The following DLG2 variants were observed in gnomAD, a reference collection of about 807,000 sequenced individuals.
DLG2 encodes disks large homolog 2.
A neutral mutation model predicts 132.5 loss-of-function variants in DLG2; 45 were observed. The ratio of observed to expected loss-of-function variants is 0.34; its 90% CI spans 0.27 to 0.44. The LOEUF (loss-of-function observed/expected upper bound fraction) is 0.44. Among genes scored for constraint, DLG2 ranks in the 20% least tolerant of loss-of-function variants. The pLI is 1.00. For synonymous variants in DLG2, 424 were observed against 419.6 expected (o/e 1.01, Z -0.13); for missense variants, 1,045 against 1,196.9 (o/e 0.87, Z 1.87).
At chr11:84,196,818 A>T (rs1465744971) in intron 8 of DLG2, among the ~76,000 whole-genome samples, 19 of 152,074 alleles carry the variant, frequency 1.2e-4, no homozygotes, top group Admixed American at 1.2e-3. Context: ...AGACGGGTGG[A>T]TCATTTGAAG....
intron 10 of DLG2, among the ~76,000 whole-genome samples, chr11:84,060,207 G>C (rs530778533): frequency 3.9e-5 from 6 of 152,076 alleles, no homozygotes; most frequent in Non-Finnish European, 7.4e-5. Flanking sequence ...AGCTACTTGG[G>C]AGGCTGAGAA....
chr11:84,406,687 T>C lies in DLG2; in HGVS notation c.519+127883A>G, dbSNP rs577547364. 2.6e-5 allele frequency among the ~76,000 whole-genome samples: 4 copies of C among 152,336 alleles called. No individual in the cohort carries two copies. In the South Asian group the frequency reaches 8.3e-4, roughly 32 times the overall value. On this transcript the variant is annotated intron_variant, in intron 7 of 27. Coordinates refer to ENST00000376104, the MANE Select transcript of DLG2 (RefSeq NM_001142699.3). ...AAAGAATTCCTCTTGGCCTGCCTTT[T>C]TCAATTCTGGAGGGAGCAGAATTCT...
At position 84,379,780 on chromosome 11, in the gene DLG2, T is replaced by TAA. The variant is rs557695623; in HGVS notation, c.520-128491_520-128490dup. Among the ~76,000 whole-genome samples the TAA allele has an allele frequency of 9.5e-3, 1,363 of 143,454 alleles. 19 individuals carry two copies. The highest frequency in any genetic ancestry group is 0.027 in the African/African-American group (1,089 of 39,706). 94.1% of individuals were successfully genotyped at this position (143,454 alleles called of 152,430 possible). ...TGGAAAATAGGAAAAGAGGTATTAC[T>TAA]AAAAAAAAAAACAAGTTTGCTAAGA... is the stretch of plus-strand genomic sequence containing the variant. On this transcript the variant is annotated intron_variant, in intron 7 of 27. Coordinates refer to ENST00000376104, the MANE Select transcript of DLG2 (RefSeq NM_001142699.3).
intron 3 of DLG2, among the ~76,000 whole-genome samples, chr11:85,386,915 A>C: frequency 6.9e-6 from 1 of 145,372 alleles, no homozygotes; most frequent in Admixed American, 6.9e-5. Flanking sequence ...TTTTTTTTAG[A>C]TGGAGTTTTG....
In DLG2 at chr11:84,359,847, A is replaced by G. The variant is rs55696166; in HGVS notation, c.520-108556T>C. 9.6e-3 allele frequency among the ~76,000 whole-genome samples: 1,463 copies of G among 152,054 alleles called. 27 individuals carry two copies. Among genetic ancestry groups the G allele is most frequent in the African/African-American group, 0.033 (1,366 of 41,532 alleles). On this transcript the variant is annotated intron_variant, in intron 7 of 27. Coordinates refer to ENST00000376104, the MANE Select transcript of DLG2 (RefSeq NM_001142699.3). ...GATTATCCTATTATGCTTTCTCCAC[A>G]GTAATACACTTGGTTCTAAATCTTG...
At position 84,305,479 on chromosome 11, in the gene DLG2, G is replaced by A. The variant is rs189092516; in HGVS notation, c.520-54188C>T. 4.2e-3 allele frequency among the ~76,000 whole-genome samples: 645 copies of A among 152,166 alleles called. 2 individuals carry two copies. Among genetic ancestry groups the A allele is most frequent in the Non-Finnish European group, 4.7e-3 (318 of 67,962 alleles). Reference sequence around the variant, plus strand: ...AGCTGAAATACAGATAATTTAACAAGGAAAATTGCAGATGGTAGGAGTAAG... The same window carrying A: ...AGCTGAAATACAGATAATTTAACAAAGAAAATTGCAGATGGTAGGAGTAAG... On this transcript the variant is annotated intron_variant, in intron 7 of 27. Transcript: ENST00000376104.
intron 6 of DLG2, among the ~76,000 whole-genome samples, chr11:85,015,190 T>C (rs1312361709): frequency 6.6e-6 from 1 of 152,166 alleles, no homozygotes; most frequent in Non-Finnish European, 1.5e-5. Flanking sequence ...TCTCCCTTTG[T>C]AACATGTTTT....
chr11:83,813,955 A>G (rs2048102602), intron 17 of DLG2, among the ~76,000 whole-genome samples: 1 of 152,168 alleles, frequency 6.6e-6, no homozygotes. Flanking sequence ...AAATTGCCGA[A>G]ATTCACAATT....
intron 7 of DLG2, among the ~76,000 whole-genome samples, chr11:84,433,992 C>A (rs1567623207): frequency 6.6e-6 from 1 of 151,822 alleles, no homozygotes; most frequent in African/African-American, 2.4e-5. Context: ...TTGACACACA[C>A]ATGTGTTCCC....
chr11:85,572,343 C>T (rs2077892466), intron 3 of DLG2, among the ~76,000 whole-genome samples: 1 of 152,100 alleles, frequency 6.6e-6, no homozygotes, highest in Non-Finnish European at 1.5e-5. Context: ...CAATAGTTTA[C>T]ATAAGGAGCC....
chr11:84,790,134 T>C (rs1205846388), intron 6 of DLG2, among the ~76,000 whole-genome samples: 1 of 152,216 alleles, frequency 6.6e-6, no homozygotes, highest in African/African-American at 2.4e-5. Flanking sequence ...ATGGTAGCTC[T>C]ATATTTAGTT....
chr11:83,692,536 G>A (rs1029772045), intron 18 of DLG2, among the ~76,000 whole-genome samples: 7 of 152,078 alleles, frequency 4.6e-5, no homozygotes, highest in Admixed American at 1.3e-4. Flanking sequence ...TTCTTTTGGA[G>A]ATGATGAAAA....
chr11:84,231,578 T>TCAGGAAA (rs1327285983), intron 8 of DLG2, among the ~76,000 whole-genome samples: 1 of 152,172 alleles, frequency 6.6e-6, no homozygotes, highest in Non-Finnish European at 1.5e-5. Context: ...TACAGTGTAT[T>TCAGGAAA]CAGGAAACTG....
At chr11:84,029,440 A>G (rs930901286) in intron 11 of DLG2, among the ~76,000 whole-genome samples, 1 of 152,204 alleles carries the variant, frequency 6.6e-6, no homozygotes, top group Non-Finnish European at 1.5e-5. Context: ...AAAAATCTCA[A>G]AAGCGAGCGA....
intron 5 of DLG2, among the ~76,000 whole-genome samples, chr11:85,135,933 T>G (rs1566919544): frequency 6.6e-6 from 1 of 152,108 alleles, no homozygotes; most frequent in African/African-American, 2.4e-5. Flanking sequence ...TAACCCAGAA[T>G]GGAGCAGTGA....
chr11:83,631,382 C>T (rs2063534788), intron 19 of DLG2: 1 of 151,742 alleles, frequency 6.6e-6, no homozygotes, highest in Non-Finnish European at 1.5e-5. Context: ...AAACTAAATA[C>T]CATATTTGTA....
At chr11:84,339,698 G>C (rs975945649) in intron 7 of DLG2, among the ~76,000 whole-genome samples, 5 of 152,112 alleles carry the variant, frequency 3.3e-5, no homozygotes, top group Non-Finnish European at 7.3e-5. Flanking sequence ...CTGAATTCTG[G>C]AACCTGGAAT....
At chr11:83,563,035 C>CTCGA (rs1419491133) in intron 19 of DLG2, among the ~76,000 whole-genome samples, 1 of 137,910 alleles carries the variant, frequency 7.3e-6, no homozygotes, top group African/African-American at 2.7e-5. Flanking sequence ...AGTGCAGTGG[C>CTCGA]TCGATCTTTG....
intron 6 of DLG2, among the ~76,000 whole-genome samples, chr11:84,961,429 C>T (rs1290736783): frequency 2.0e-5 from 3 of 151,970 alleles, no homozygotes; most frequent in Non-Finnish European, 2.9e-5. Context: ...ATCCTACATA[C>T]AGGCCCAACC....
Sources: gnomAD v4.1 joint callset for allele counts (sites outside exome capture counted in the v4.1 genomes callset) on GRCh38, gnomAD v4.1.1 for gene constraint, MANE v1.5 for transcripts, NCBI Gene and HGNC (gene_info 2026-07-23, HGNC 2026-07-21) for gene names.